Variants in GPR39 observed in about 807,000 individuals in gnomAD.
GPR39 encodes G protein-coupled receptor 39.
GPR39 carries 23 observed loss-of-function variants against 18.4 expected under a neutral mutation model. That is an observed-to-expected ratio of 1.25 (90% CI 0.90 to 1.77). GPR39 has a LOEUF of 1.77. Among genes scored for constraint, GPR39 ranks in the 40% most tolerant of loss-of-function variants. GPR39 has a pLI of 0.00. For synonymous variants in GPR39, 280 were observed against 257.9 expected, an observed-to-expected ratio of 1.09 and a Z score of -0.82; for missense variants, 647 against 602.4, an observed-to-expected ratio of 1.07 and a Z score of -0.78.
intron 1 of GPR39, among the ~76,000 whole-genome samples, chr2:132,606,847 AAACT>A (rs1208466693): frequency 6.6e-6 from 1 of 152,200 alleles, no homozygotes; most frequent in Non-Finnish European, 1.5e-5. Context: ...CTCAATGGCC[AAACT>A]AACCTCCAAG....
intron 1 of GPR39, among the ~76,000 whole-genome samples, chr2:132,569,558 G>A (rs1233732553): frequency 6.6e-6 from 1 of 150,498 alleles, no homozygotes; most frequent in Non-Finnish European, 1.5e-5. Context: ...GGGTCCTCCG[G>A]CTTTGAGGGC....
At chr2:132,601,658 C>A in intron 1 of GPR39, among the ~76,000 whole-genome samples, 1 of 152,132 alleles carries the variant, frequency 6.6e-6, no homozygotes, top group South Asian at 2.1e-4. Context: ...ACAACATGGT[C>A]TTACATATAG....
intron 1 of GPR39, among the ~76,000 whole-genome samples, chr2:132,523,181 A>G (rs1053454274): frequency 9.9e-5 from 15 of 152,274 alleles, no homozygotes; most frequent in African/African-American, 3.1e-4. Flanking sequence ...TTAAAAGAGA[A>G]AAGACTGAAG....
intron 1 of GPR39, among the ~76,000 whole-genome samples, chr2:132,428,662 C>T (rs960963697): frequency 2.0e-5 from 3 of 152,190 alleles, no homozygotes; most frequent in Non-Finnish European, 4.4e-5. Context: ...CCTGGAATAC[C>T]TATGTCCTAA....
chr2:132,481,878 G>A (rs776670182), intron 1 of GPR39, among the ~76,000 whole-genome samples: 12 of 152,204 alleles, frequency 7.9e-5, no homozygotes, highest in Non-Finnish European at 1.5e-5. Context: ...TCCTGATTTT[G>A]TCAGGAAATA....
At chr2:132,634,882 G>A (rs1196854860) in intron 1 of GPR39, among the ~76,000 whole-genome samples, 2 of 152,176 alleles carry the variant, frequency 1.3e-5, no homozygotes, top group Non-Finnish European at 2.9e-5. Context: ...ACCCCATAGG[G>A]CCATCACAGA....
At position 132,519,735 on chromosome 2, in the gene GPR39, C is replaced by A. The variant is rs549204071; in HGVS notation, c.856+101837C>A. ...AGCTACAAACTAGGCTTCTTGCCAG[C>A]ACACAAGGCCCTCTGATGACACTCT... On this transcript the variant is annotated intron_variant, in intron 1 of 1. Transcript: ENST00000329321. Among the ~76,000 whole-genome samples, 10 of 152,310 alleles carry A rather than the reference C, an allele frequency of 6.6e-5. 1 individual carries two copies. The highest frequency in any genetic ancestry group is 2.4e-4 in the African/African-American group (10 of 41,564).
At chr2:132,583,658 GA>G (rs1680668872) in intron 1 of GPR39, among the ~76,000 whole-genome samples, 5 of 151,868 alleles carry the variant, frequency 3.3e-5, no homozygotes, top group Admixed American at 3.3e-4. Context: ...TGAGATTGAA[GA>G]GGGGCATGGC....
intron 1 of GPR39, among the ~76,000 whole-genome samples, chr2:132,542,001 G>A (rs1679869449): frequency 6.6e-6 from 1 of 152,160 alleles, no homozygotes; most frequent in Non-Finnish European, 1.5e-5. Flanking sequence ...GAGGGGGCAA[G>A]GTAGCTCACT....
chr2:132,515,414 C>G (rs945149081), intron 1 of GPR39, among the ~76,000 whole-genome samples: 6 of 152,190 alleles, frequency 3.9e-5, no homozygotes, highest in African/African-American at 1.4e-4. Context: ...GGTATACATT[C>G]AATAAATAAA....
chr2:132,432,951 G>C (rs1328436287), intron 1 of GPR39, among the ~76,000 whole-genome samples: 2 of 152,132 alleles, frequency 1.3e-5, no homozygotes, highest in Non-Finnish European at 2.9e-5. Context: ...AACTACATTT[G>C]ACCCTTGAAC....
intron 1 of GPR39, among the ~76,000 whole-genome samples, chr2:132,581,133 G>A (rs1680615536): frequency 6.6e-6 from 1 of 151,548 alleles, no homozygotes; most frequent in South Asian, 2.1e-4. Context: ...AGGCAAAGCA[G>A]TTTTTATGAA....
chr2:132,583,721 G>T (rs898007336), intron 1 of GPR39, among the ~76,000 whole-genome samples: 1 of 151,470 alleles, frequency 6.6e-6, no homozygotes, highest in Admixed American at 6.6e-5. Flanking sequence ...AGATTTGGTG[G>T]CTGGAGGCGA....
chr2:132,466,664 A>C (rs1680932275), intron 1 of GPR39, among the ~76,000 whole-genome samples: 1 of 152,216 alleles, frequency 6.6e-6, no homozygotes, highest in Non-Finnish European at 1.5e-5. Flanking sequence ...GAGTGAGCTG[A>C]GTGAGAACTC....
chr2:132,467,592 A>T (rs1680952143), intron 1 of GPR39, among the ~76,000 whole-genome samples: 1 of 152,238 alleles, frequency 6.6e-6, no homozygotes, highest in Non-Finnish European at 1.5e-5. Context: ...GTATTTTTGA[A>T]TGAATACATC....
intron 1 of GPR39, chr2:132,604,699 G>T (rs1483730945): frequency 6.6e-6 from 1 of 152,230 alleles, no homozygotes; most frequent in African/African-American, 2.4e-5. Flanking sequence ...CATTCTATCT[G>T]CTCTGCTTAA....
At chr2:132,584,924 C>T (rs556116303) in intron 1 of GPR39, among the ~76,000 whole-genome samples, 1 of 152,188 alleles carries the variant, frequency 6.6e-6, no homozygotes. Flanking sequence ...CTGATTTCCA[C>T]AGATCTCAGA....
chr2:132,425,475 T>C (rs1481025663), intron 1 of GPR39, among the ~76,000 whole-genome samples: 1 of 152,172 alleles, frequency 6.6e-6, no homozygotes, highest in Non-Finnish European at 1.5e-5. Context: ...CTCAGGCAGC[T>C]CTCTTGGCTC....
At chr2:132,466,750 C>G (rs1195706670) in intron 1 of GPR39, among the ~76,000 whole-genome samples, 2 of 152,104 alleles carry the variant, frequency 1.3e-5, no homozygotes, top group African/African-American at 4.8e-5. Flanking sequence ...TGGAGAATGA[C>G]AGGTAGAAAA....
Sources: gnomAD v4.1 joint callset for allele counts (sites outside exome capture counted in the v4.1 genomes callset) on GRCh38, gnomAD v4.1.1 for gene constraint, MANE v1.5 for transcripts, NCBI Gene and HGNC (gene_info 2026-07-23, HGNC 2026-07-21) for gene names.